Variants in JMJD1C observed in about 807,000 individuals in gnomAD.
JMJD1C encodes jumonji domain containing 1C.
JMJD1C carries 31 observed loss-of-function variants against 245.3 expected under a neutral mutation model. That is an observed-to-expected ratio of 0.13 (90% CI 0.09 to 0.17). The LOEUF is 0.17. JMJD1C is among the 10% of genes least tolerant of loss of function. The pLI, the probability that JMJD1C is intolerant of heterozygous loss-of-function variation, is 1.00. For missense variants in JMJD1C, 2,691 were observed against 3,000.2 expected (o/e 0.90, Z 2.41); for synonymous variants, 1,057 against 1,017.4 (o/e 1.04, Z -0.74).
intron 10 of JMJD1C, 37 bp downstream of exon 10, chr10:63,206,558 C>T: frequency 1.3e-6 from 2 of 1,485,354 alleles, no homozygotes; most frequent in Middle Eastern, 1.9e-4. Context: ...AACATTCAGC[C>T]CATTTTACCT....
At chr10:63,260,308 T>C (rs1449300476) in intron 3 of JMJD1C, among the ~76,000 whole-genome samples, 1 of 152,194 alleles carries the variant, frequency 6.6e-6, no homozygotes, top group African/African-American at 2.4e-5. Flanking sequence ...TTAGTTGGTA[T>C]GAATCATGTA....
At chr10:63,240,968 T>G (rs1851405163) in intron 3 of JMJD1C, among the ~76,000 whole-genome samples, 1 of 152,178 alleles carries the variant, frequency 6.6e-6, no homozygotes, top group South Asian at 2.1e-4. Flanking sequence ...TTATTCTAAG[T>G]CTAGTGGTTA....
At chr10:63,405,023 AATT>A (rs1949085735) in intron 1 of JMJD1C, among the ~76,000 whole-genome samples, 1 of 152,220 alleles carries the variant, frequency 6.6e-6, no homozygotes. Context: ...GGATAACTAC[AATT>A]ATATTTCAAA....
At chr10:63,379,130 G>C (rs938044604) in intron 2 of JMJD1C, among the ~76,000 whole-genome samples, 1 of 151,872 alleles carries the variant, frequency 6.6e-6, no homozygotes, top group South Asian at 2.1e-4. Context: ...AAAAGCATCA[G>C]GATTAACTAA....
intron 1 of JMJD1C, among the ~76,000 whole-genome samples, chr10:63,408,509 C>A (rs1460726533): frequency 6.6e-6 from 1 of 151,826 alleles, no homozygotes; most frequent in African/African-American, 2.4e-5. Context: ...TATAAAAGAT[C>A]AAAAACCAGA....
At chr10:63,272,347 G>T (rs1241187295) in intron 2 of JMJD1C, among the ~76,000 whole-genome samples, 1 of 151,706 alleles carries the variant, frequency 6.6e-6, no homozygotes, top group Non-Finnish European at 1.5e-5. Flanking sequence ...TGCCTCCTGG[G>T]TTCAAGCAAT....
At chr10:63,465,028 G>A (rs1005817778) in intron 1 of JMJD1C, among the ~76,000 whole-genome samples, 4 of 152,240 alleles carry the variant, frequency 2.6e-5, no homozygotes, top group Non-Finnish European at 4.4e-5. Context: ...CTCCCCTTCA[G>A]CAACCTTACA....
At chr10:63,460,034 C>T (rs1201280560) in intron 1 of JMJD1C, among the ~76,000 whole-genome samples, 1 of 152,160 alleles carries the variant, frequency 6.6e-6, no homozygotes, top group Non-Finnish European at 1.5e-5. Flanking sequence ...CAATGCTATC[C>T]TTGGAATCCC....
chr10:63,325,984 A>T (rs1204759049), intron 2 of JMJD1C, among the ~76,000 whole-genome samples: 1 of 152,212 alleles, frequency 6.6e-6, no homozygotes, highest in Non-Finnish European at 1.5e-5. Context: ...ATAAAAAATT[A>T]TTTTAAATGA....
intron 3 of JMJD1C, among the ~76,000 whole-genome samples, chr10:63,263,982 A>ACACACACACACT (rs1564704178): frequency 9.1e-6 from 1 of 110,028 alleles, no homozygotes; most frequent in Non-Finnish European, 2.0e-5. Context: ...ACACACACAC[A>ACACACACACACT]CACACACACA....
At chr10:63,332,287 A>G (rs1942243940) in intron 2 of JMJD1C, among the ~76,000 whole-genome samples, 1 of 152,236 alleles carries the variant, frequency 6.6e-6, no homozygotes, top group African/African-American at 2.4e-5. Flanking sequence ...ATGTGTCACT[A>G]AATTTGATGT....
At chr10:63,336,728 C>T (rs143582028) in intron 2 of JMJD1C, among the ~76,000 whole-genome samples, 1 of 152,136 alleles carries the variant, frequency 6.6e-6, no homozygotes, top group Non-Finnish European at 1.5e-5. Context: ...TTAGAAAACC[C>T]TGACAATCCG....
intron 2 of JMJD1C, among the ~76,000 whole-genome samples, chr10:63,350,858 A>G (rs1028232263): frequency 6.6e-6 from 1 of 151,874 alleles, no homozygotes; most frequent in Non-Finnish European, 1.5e-5. Flanking sequence ...TGACCTCAAG[A>G]TCCGCCCACC....
chr10:63,335,574 C>G (rs1399472888), intron 2 of JMJD1C, among the ~76,000 whole-genome samples: 1 of 152,126 alleles, frequency 6.6e-6, no homozygotes, highest in Non-Finnish European at 1.5e-5. Flanking sequence ...TGCAGTGGCA[C>G]AATCCCGGCT....
At chr10:63,484,779 ATTATGAGATAT>A (rs1185402685) in intron 1 of JMJD1C, among the ~76,000 whole-genome samples, 1 of 152,136 alleles carries the variant, frequency 6.6e-6, no homozygotes, top group East Asian at 1.9e-4. Context: ...TTGAGCTTTG[ATTATGAGATAT>A]TAATGACATA....
rs1564963354 is a variant in JMJD1C at position 63,484,239 on chromosome 10, T to TGG, written n.113+37498_113+37499insCC. 1.6e-3 allele frequency among the ~76,000 whole-genome samples: 73 copies of TGG among 45,960 alleles called. 1 individual carries two copies. Among genetic ancestry groups the TGG allele is most frequent in the African/African-American group, 5.1e-3 (69 of 13,554 alleles). 30.2% of individuals were successfully genotyped at this position (45,960 alleles called of 152,430 possible). A position where few individuals can be genotyped will look rare whatever the true frequency, so the allele number is the denominator to read the frequency against. On this transcript the variant is annotated intron_variant and non_coding_transcript_variant, in intron 1 of 3. Coordinates refer to the JMJD1C transcript ENST00000633035. ...ATGGATGGATGGATGGATGGATGGA[T>TGG]AGATAGATAGATAGATAGATAGATA...
rs577615277 is a variant in JMJD1C at position 63,183,393 on chromosome 10, T to G, written c.7084+54A>C. 61 of 1,494,204 alleles carry G rather than the reference T, an allele frequency of 4.1e-5. No homozygotes were observed. The African/African-American group carries it at 8.1e-4, about 20-fold the overall frequency. 92.6% of individuals were successfully genotyped at this position (1,494,204 alleles called of 1,614,324 possible). A position where few individuals can be genotyped will look rare whatever the true frequency, so the allele number is the denominator to read the frequency against. On this transcript the variant is annotated intron_variant, in intron 22 of 25. Coordinates refer to ENST00000399262, the MANE Select transcript of JMJD1C (RefSeq NM_032776.3). ...AAGCTGATATTCTGGACAATACTAG[T>G]GAATGTGATTATTCAACTCTTATTT...
At chr10:63,230,773 C>CT (rs1849873788) in intron 3 of JMJD1C, among the ~76,000 whole-genome samples, 2 of 150,824 alleles carry the variant, frequency 1.3e-5, no homozygotes, top group East Asian at 2.0e-4. Flanking sequence ...AGACTGTCCC[C>CT]CCCCCCAAAA....
chr10:63,367,259 T>A (rs1185272209), intron 2 of JMJD1C, among the ~76,000 whole-genome samples: 2 of 152,150 alleles, frequency 1.3e-5, no homozygotes, highest in Non-Finnish European at 2.9e-5. Flanking sequence ...TTTGTTGTTG[T>A]TTGTTTTGAG....
Sources: allele counts gnomAD v4.1 joint callset (sites outside exome capture counted in the v4.1 genomes callset), GRCh38; gene constraint gnomAD v4.1.1; transcripts MANE v1.5; gene names NCBI Gene and HGNC (gene_info 2026-07-23, HGNC 2026-07-21).